Variants in HOGA1 observed in about 807,000 individuals in gnomAD.
HOGA1 encodes 4-hydroxy-2-oxoglutarate aldolase, mitochondrial.
HOGA1 carries 30 observed loss-of-function variants against 34.3 expected under a neutral mutation model. The ratio of observed to expected loss-of-function variants is 0.87; its 90% CI spans 0.65 to 1.19. The LOEUF (loss-of-function observed/expected upper bound fraction) is 1.19. HOGA1 is among the 50% of genes most tolerant of loss of function. HOGA1 has a pLI of 0.00. For missense variants in HOGA1, 417 were observed against 436.5 expected (o/e 0.96, Z 0.40); for synonymous variants, 161 against 174.0 (o/e 0.93, Z 0.59).
intron 6 of HOGA1, among the ~76,000 whole-genome samples, chr10:97,609,895 A>G (rs891004955): frequency 2.6e-5 from 4 of 152,178 alleles, no homozygotes; most frequent in Non-Finnish European, 4.4e-5. Flanking sequence ...GAGAAAAAAA[A>G]TCCATGCTTG....
chr10:97,585,176 T>A (rs1333217395), intron 1 of HOGA1, among the ~76,000 whole-genome samples: 1 of 152,198 alleles, frequency 6.6e-6, no homozygotes, highest in Non-Finnish European at 1.5e-5. Context: ...CCTTTGTAGC[T>A]CCCAGAGTGA....
chr10:97,594,467 G>A (rs913647268), intron 1 of HOGA1, among the ~76,000 whole-genome samples: 5 of 151,966 alleles, frequency 3.3e-5, no homozygotes, highest in Non-Finnish European at 7.4e-5. Context: ...CAATTCTCCT[G>A]CCTCGGCCTC....
chr10:97,607,345 G>T (rs1438514382), intron 6 of HOGA1, among the ~76,000 whole-genome samples: 1 of 152,190 alleles, frequency 6.6e-6, no homozygotes, highest in Non-Finnish European at 1.5e-5. Flanking sequence ...CTGGGAGCGG[G>T]GGTGGCAGTT....
chr10:97,598,710 G>C (rs1469937781), intron 1 of HOGA1, 65 bp from the exon 2 acceptor site: 1 of 1,593,250 alleles, frequency 6.3e-7, no homozygotes, highest in East Asian at 2.2e-5. Context: ...CGTAAGGTAG[G>C]AACACCAATG....
In HOGA1 at chr10:97,601,949, G is replaced by A. The variant is rs1185113487; in HGVS notation, c.793G>A (p.Ala265Thr). ...RLCCTGQWEDAQKLQHRLIEP... is the reference protein window; with the variant it reads ...RLCCTGQWEDTQKLQHRLIEP... ...GTGCTGCACGGGGCAATGGGAAGAT[G>A]CCCAGAAACTGCAGCACCGCCTCAT... The change falls in exon 6 of 7, where the codon GCC (alanine) becomes ACC (threonine). Residue 265 changes from alanine (A) to threonine (T), a missense_variant. By Grantham distance (58) the Ala-to-Thr change is moderately conservative. Transcript: ENST00000370646. 1 of 1,613,092 alleles carries A rather than the reference G, an allele frequency of 6.2e-7. No individual in the cohort carries two copies. The highest frequency in any genetic ancestry group is 1.3e-5 in the African/African-American group (1 of 74,938).
intron 1 of HOGA1, among the ~76,000 whole-genome samples, chr10:97,589,061 G>C (rs2040996097): frequency 6.6e-6 from 1 of 152,168 alleles, no homozygotes; most frequent in Admixed American, 6.5e-5. Flanking sequence ...ACTAAGGCAA[G>C]AGGTAGCAGC....
rs1406407438 is a variant in HOGA1 at position 97,603,669 on chromosome 10, TCTC to T, written c.834+1682_834+1684del. ...ACCTCTGCCCCCGGGTTCAAGCAATTCTCCTGCCTCAGCCTCCCAAGTAGCTGG... is the reference window on the plus strand; with the variant it reads ...ACCTCTGCCCCCGGGTTCAAGCAATTCTGCCTCAGCCTCCCAAGTAGCTGG... On this transcript the variant is annotated intron_variant, in intron 6 of 6. Coordinates refer to ENST00000370646, the MANE Select transcript of HOGA1 (RefSeq NM_138413.4). This position sits in a 1 kb window ranked among gnomAD's most constrained non-coding sequence, Gnocchi z 4.5. 6.6e-6 allele frequency among the ~76,000 whole-genome samples: 1 copy of T among 151,752 alleles called. No homozygotes were observed. Among genetic ancestry groups the T allele is most frequent in the African/African-American group, 2.4e-5 (1 of 41,304 alleles).
rs975227598 is a variant in HOGA1, at chr10:97,599,098, C to A, written c.350C>A (p.Ala117Asp). The change falls in exon 3 of 7, where the codon GCC (alanine) becomes GAC (aspartate). Residue 117 changes from alanine (A) to aspartate (D), a missense_variant. By Grantham distance (126) the Ala-to-Asp change is moderately radical. Coordinates refer to ENST00000370646, the MANE Select transcript of HOGA1 (RefSeq NM_138413.4). ...LAGSGCESTQ[A>D]TVEMTVSMAQ... ...CTCCTTCCTCTGGCAGCCACTCAAG[C>A]CACAGTGGAGATGACCGTCAGCATG... 6 of 1,613,240 alleles carry A rather than the reference C, an allele frequency of 3.7e-6. No individual in the cohort carries two copies. In the African/African-American group the frequency reaches 6.7e-5, roughly 18 times the overall value.
intron 1 of HOGA1, among the ~76,000 whole-genome samples, chr10:97,592,448 G>T (rs2041034026): frequency 6.6e-6 from 1 of 151,802 alleles, no homozygotes; most frequent in Admixed American, 6.6e-5. Context: ...CACTGTGTTA[G>T]CCAGGATGTT....
rs749899995 is a variant in HOGA1 at position 97,599,168 on chromosome 10, C to T, written c.420C>T (p.Tyr140=). The change falls in exon 3 of 7, where the codon TAC becomes TAT. Residue 140 remains tyrosine, a synonymous_variant. Coordinates refer to ENST00000370646, the MANE Select transcript of HOGA1 (RefSeq NM_138413.4). ...CGGCCATGGTGGTGACCCCTTGCTA[C>T]TATCGTGGCCGCATGAGCAGTGCGG... The part of the protein sequence containing the change: ...ADAAMVVTPC[Y]YRGRMSSAAL... 57 of 1,613,954 alleles carry T rather than the reference C, an allele frequency of 3.5e-5. No homozygotes were observed. The highest frequency in any genetic ancestry group is 4.7e-5 in the Non-Finnish European group (56 of 1,180,046).
chr10:97,588,556 G>C (rs746896051), intron 1 of HOGA1, among the ~76,000 whole-genome samples: 19 of 152,116 alleles, frequency 1.2e-4, no homozygotes, highest in Non-Finnish European at 2.4e-4. Context: ...TAGAGGAAGG[G>C]GTCATTACAG....
chr10:97,591,413 C>CTTAATTTAAT (rs111974576), intron 1 of HOGA1, among the ~76,000 whole-genome samples: 2 of 152,016 alleles, frequency 1.3e-5, no homozygotes, highest in African/African-American at 2.4e-5. Flanking sequence ...GTTTGTTTAA[C>CTTAATTTAAT]TTAATTTAAT....
rs116021929 is a variant in HOGA1, at chr10:97,598,434, A to G, written c.212-341A>G. Among the ~76,000 whole-genome samples the G allele has an allele frequency of 4.0e-3, 613 of 152,362 alleles. 4 individuals are homozygous for G. Among genetic ancestry groups the G allele is most frequent in the African/African-American group, 0.014 (581 of 41,588 alleles). On this transcript the variant is annotated intron_variant, in intron 1 of 6. Coordinates refer to ENST00000370646, the MANE Select transcript of HOGA1 (RefSeq NM_138413.4). ...TGAACAAAGCTCAAAAAATAGTATT[A>G]AACAAACAGCAAACTGCAGAAGGCT...
intron 1 of HOGA1, chr10:97,590,691 T>C: frequency 5.4e-6 from 5 of 918,266 alleles, no homozygotes; most frequent in Non-Finnish European, 8.3e-6. Flanking sequence ...CAGGGTGAGA[T>C]GCTGTGCCCA....
intron 1 of HOGA1, among the ~76,000 whole-genome samples, chr10:97,587,008 C>T (rs1279790447): frequency 6.6e-6 from 1 of 152,178 alleles, no homozygotes; most frequent in African/African-American, 2.4e-5. Context: ...AAATCCAGTC[C>T]TCATTTTAGA....
Position 97,591,913 on chromosome 10 carries a change from A to G in HOGA1, c.212-6862A>G, listed in dbSNP as rs942730698. 2.1e-5 allele frequency among the ~76,000 whole-genome samples: 3 copies of G among 145,344 alleles called. No homozygotes were observed. In the Admixed American group the frequency reaches 2.1e-4, roughly 10 times the overall value. The stretch of plus-strand genomic sequence containing the variant: ...GAGTACAGTGGCGCGATCTTGGCTC[A>G]CTGCAACCTCTGCCTCCCGGGTTCA... On this transcript the variant is annotated intron_variant, in intron 1 of 6. Transcript: ENST00000370646.
At position 97,598,900 on chromosome 10, in the gene HOGA1, G is replaced by A. The variant is rs150702945; in HGVS notation, c.337G>A (p.Glu113Lys). 9.9e-6 allele frequency: 16 copies of A among 1,613,920 alleles called. No homozygotes were observed. Among genetic ancestry groups the A allele is most frequent in the South Asian group, 4.4e-5 (4 of 91,082 alleles). ...NRLLLAGSGC[E>K]STQATVEMTV... ...GCTCCTGCTAGCTGGCTCCGGATGC[G>A]AGTGTGAGCCAGAATGCCCTGGGCC... The change falls in exon 2 of 7, where the codon GAG becomes AAG. Residue 113 changes from glutamate (E) to lysine (K), a missense_variant. Glu to Lys is a moderately conservative substitution (Grantham distance 56, BLOSUM62 1). Coordinates refer to ENST00000370646, the MANE Select transcript of HOGA1 (RefSeq NM_138413.4).
At chr10:97,610,887 T>G (rs1346650246) in intron 6 of HOGA1, among the ~76,000 whole-genome samples, 3 of 152,234 alleles carry the variant, frequency 2.0e-5, no homozygotes, top group African/African-American at 7.2e-5. Context: ...GAGATCATGT[T>G]GTCCAGCCCC....
chr10:97,600,066 G>C lies in HOGA1; in HGVS notation c.604-1G>C, dbSNP rs1402747036. ...CTCTCACACCACATTTGCTGTTGCA[G>C]GTGACCAGGATTGGGCTGATTGTTC... On this transcript the variant is annotated splice_acceptor_variant, in intron 4 of 6. Coordinates refer to ENST00000370646, the MANE Select transcript of HOGA1 (RefSeq NM_138413.4). LOFTEE classifies it high-confidence loss of function. 1 of 1,613,894 alleles carries C rather than the reference G, an allele frequency of 6.2e-7. No individual in the cohort carries two copies. The highest frequency in any genetic ancestry group is 8.5e-7 in the Non-Finnish European group (1 of 1,179,886).
Sources: allele counts gnomAD v4.1 joint callset (sites outside exome capture counted in the v4.1 genomes callset), GRCh38; gene constraint gnomAD v4.1.1; non-coding constraint Gnocchi (gnomAD v3.1); transcripts MANE v1.5; gene names NCBI Gene and HGNC (gene_info 2026-07-23, HGNC 2026-07-21).